The following TET1 variants were observed in gnomAD, a reference collection of about 807,000 sequenced individuals.
The protein encoded by TET1 is methylcytosine dioxygenase TET1.
Under a neutral mutation model 148.7 loss-of-function variants are expected in TET1, and 13 were observed. That is an observed-to-expected ratio of 0.09 (90% CI 0.06 to 0.14). TET1 has a LOEUF of 0.14. TET1 is among the 10% of genes least tolerant of loss of function. The probability of loss-of-function intolerance (pLI) is 1.00; values close to 1 mark genes in which losing one functional copy is unlikely to be tolerated. For synonymous variants in TET1, 907 were observed against 937.2 expected (o/e 0.97, Z 0.59); for missense variants, 2,182 against 2,553.8 (o/e 0.85, Z 3.14).
intron 2 of TET1, among the ~76,000 whole-genome samples, chr10:68,598,727 T>A (rs1329487041): frequency 6.9e-6 from 1 of 144,136 alleles, no homozygotes; most frequent in East Asian, 2.0e-4. Flanking sequence ...GGAGACGGAG[T>A]CTGGCTCAGC....
At chr10:68,635,520 G>A (rs2054637366) in intron 3 of TET1, among the ~76,000 whole-genome samples, 1 of 152,140 alleles carries the variant, frequency 6.6e-6, no homozygotes, top group Admixed American at 6.6e-5. Context: ...TACTAGCTCT[G>A]CTCCAAAGTT....
intron 8 of TET1, among the ~76,000 whole-genome samples, chr10:68,676,258 ATATATATATATTTTTTTTTT>A (rs1465685837): frequency 4.7e-4 from 17 of 36,028 alleles, no homozygotes; most frequent in Admixed American, 9.3e-4. Context: ...ATATATATAT[ATATATATATATTTTTTTTTT>A]TTTTTTTTTT....
intron 8 of TET1, among the ~76,000 whole-genome samples, chr10:68,677,638 T>C (rs2055378858): frequency 6.6e-6 from 1 of 152,030 alleles, no homozygotes; most frequent in Admixed American, 6.6e-5. Flanking sequence ...TACAGGCATG[T>C]GCCACCCTGC....
chr10:68,596,199 C>A (rs1035244180), intron 2 of TET1, among the ~76,000 whole-genome samples: 17 of 150,510 alleles, frequency 1.1e-4, no homozygotes, highest in African/African-American at 3.9e-4. Context: ...GCCACCATGC[C>A]CAGCGGAAGA....
intron 3 of TET1, among the ~76,000 whole-genome samples, chr10:68,633,660 A>C (rs1315029079): frequency 2.0e-5 from 3 of 152,110 alleles, no homozygotes; most frequent in Admixed American, 1.3e-4. Context: ...GCTGGTCCTG[A>C]CCTCAAGTGA....
intron 6 of TET1, among the ~76,000 whole-genome samples, chr10:68,658,600 G>A (rs571282485): frequency 6.6e-5 from 10 of 152,284 alleles, no homozygotes; most frequent in African/African-American, 2.4e-4. Flanking sequence ...CTCTTGAAAT[G>A]TTTCCTTGCC....
At chr10:68,683,605 G>A (rs1323286567) in intron 10 of TET1, among the ~76,000 whole-genome samples, 4 of 151,736 alleles carry the variant, frequency 2.6e-5, no homozygotes, top group Non-Finnish European at 5.9e-5. Context: ...GTAGAGATGG[G>A]GTTTCACCGT....
At chr10:68,629,781 C>T (rs1316704500) in intron 3 of TET1, among the ~76,000 whole-genome samples, 2 of 152,032 alleles carry the variant, frequency 1.3e-5, no homozygotes, top group African/African-American at 4.8e-5. Flanking sequence ...TGTGATCCAC[C>T]CAATTTGGCC....
At chr10:68,683,613 C>T (rs10998384) in intron 10 of TET1, among the ~76,000 whole-genome samples, 6,010 of 144,580 alleles carry the variant, frequency 0.042, 407 homozygotes, top group East Asian at 0.34. Context: ...GGGGTTTCAC[C>T]GTGTTAGCCA....
intron 3 of TET1, among the ~76,000 whole-genome samples, chr10:68,609,068 G>A (rs1275676477): frequency 6.6e-6 from 1 of 151,904 alleles, no homozygotes; most frequent in Non-Finnish European, 1.5e-5. Flanking sequence ...CAGTGGCTCT[G>A]CTCACTGCAG....
intron 2 of TET1, among the ~76,000 whole-genome samples, chr10:68,575,583 T>C (rs1039703067): frequency 6.6e-6 from 1 of 151,764 alleles, no homozygotes; most frequent in Admixed American, 6.6e-5. Context: ...ACACTGGTAG[T>C]CCCAGCTACT....
At chr10:68,560,851 G>T (rs1201109041) in intron 1 of TET1, 109 bp downstream of exon 1, 1 of 152,556 alleles carries the variant, frequency 6.6e-6, no homozygotes, top group Non-Finnish European at 1.5e-5. Flanking sequence ...GATGTGGCCG[G>T]GGCTCTGCGT....
intron 10 of TET1, among the ~76,000 whole-genome samples, chr10:68,684,233 T>A (rs555300582): frequency 9.2e-5 from 14 of 152,206 alleles, no homozygotes; most frequent in African/African-American, 3.4e-4. Context: ...AAATATACAA[T>A]TTTTAAAAAA....
chr10:68,648,893 A>G (rs184412882), intron 4 of TET1, among the ~76,000 whole-genome samples: 59 of 152,310 alleles, frequency 3.9e-4, no homozygotes, highest in African/African-American at 1.4e-3. Flanking sequence ...GATTACAGAC[A>G]TGAACCACCA....
chr10:68,675,547 G>A (rs1159394156), intron 8 of TET1, among the ~76,000 whole-genome samples: 3 of 150,706 alleles, frequency 2.0e-5, no homozygotes, highest in Non-Finnish European at 4.4e-5. Context: ...AGGCCAAAGC[G>A]TCAAACTATC....
At chr10:68,587,786 T>A (rs1337775244) in intron 2 of TET1, among the ~76,000 whole-genome samples, 1 of 152,210 alleles carries the variant, frequency 6.6e-6, no homozygotes, top group Non-Finnish European at 1.5e-5. Flanking sequence ...TTCCTATTAC[T>A]GTATTCAATG....
intron 8 of TET1, among the ~76,000 whole-genome samples, chr10:68,677,917 A>G (rs1434771114): frequency 6.6e-6 from 1 of 152,074 alleles, no homozygotes; most frequent in Non-Finnish European, 1.5e-5. Context: ...ACAATTGCAG[A>G]CCAGTATTTT....
intron 2 of TET1, among the ~76,000 whole-genome samples, chr10:68,595,105 A>C (rs2053962796): frequency 6.6e-6 from 1 of 151,328 alleles, no homozygotes; most frequent in Admixed American, 6.6e-5. Context: ...GTGGGCTATG[A>C]TTGGAGCATT....
chr10:68,685,500 T>TTAC (rs1398198507), intron 10 of TET1, among the ~76,000 whole-genome samples: 1 of 152,138 alleles, frequency 6.6e-6, no homozygotes, highest in Non-Finnish European at 1.5e-5. Flanking sequence ...ACACCTGTAA[T>TTAC]CCCAGCACTT....
Sources: gnomAD v4.1 joint callset for allele counts (sites outside exome capture counted in the v4.1 genomes callset) on GRCh38, gnomAD v4.1.1 for gene constraint, MANE v1.5 for transcripts, NCBI Gene and HGNC (gene_info 2026-07-23, HGNC 2026-07-21) for gene names.